ZC3H14: variants seen among roughly 807,000 people sequenced by gnomAD.
The protein encoded by ZC3H14 is zinc finger CCCH-type containing 14, also known as zinc finger CCCH domain-containing protein 14.
ZC3H14 carries 31 observed loss-of-function variants against 92.4 expected under a neutral mutation model. The observed-to-expected ratio is 0.34, with a 90% CI of 0.25 to 0.45. ZC3H14 has a LOEUF of 0.45. ZC3H14 is among the 20% of genes least tolerant of loss of function. ZC3H14 has a pLI of 1.00. For synonymous variants in ZC3H14, 321 were observed against 300.9 expected, an observed-to-expected ratio of 1.07 and a Z score of -0.69; for missense variants, 781 against 897.3, an observed-to-expected ratio of 0.87 and a Z score of 1.66.
chr14:88,616,255 G>A lies in ZC3H14; in HGVS notation c.*4504G>A, dbSNP rs373857538. The A allele has an allele frequency of 8.1e-5, 130 of 1,611,992 alleles. No individual in the cohort carries two copies. The highest frequency in any genetic ancestry group is 1.1e-4 in the Non-Finnish European group (124 of 1,178,310). ...TTTTGTGTTTTGCCTAAAAAACAAT[G>A]ACAGACAAGCTCAGGGCATTTGGTG... On this transcript the variant is annotated 3_prime_UTR_variant, in exon 17 of 17. Transcript: ENST00000251038.
Position 88,572,217 on chromosome 14 carries a change from A to T in ZC3H14, c.423A>T (p.Thr141=). Residue 141 remains threonine, a synonymous_variant, in exon 5 of 17, where the codon ACA becomes ACT. Coordinates refer to ENST00000251038, the MANE Select transcript of ZC3H14 (RefSeq NM_024824.5). ...VSTSSQESKT[T]NVRQTYDDGA... is the part of the protein sequence containing the mutation. ...CAAGTTCGCAGGAGTCAAAAACCAC[A>T]AATGTCAGGTAAGAGTCTGGTGTAG... 1 of 1,614,144 alleles carries T rather than the reference A, an allele frequency of 6.2e-7. No homozygotes were observed. The highest frequency in any genetic ancestry group is 1.3e-5 in the African/African-American group (1 of 75,056).
At chr14:88,574,398 G>A (rs761599091) in intron 6 of ZC3H14, 24 of 357,778 alleles carry the variant, frequency 6.7e-5, no homozygotes, top group African/African-American at 1.1e-4. Context: ...GGCACATGCC[G>A]CCACGCTCAG....
Position 88,615,114 on chromosome 14 carries a change from T to G in ZC3H14, c.*3363T>G, listed in dbSNP as rs1158269413. The G allele has an allele frequency of 2.0e-5, 3 of 152,212 alleles. No individual in the cohort carries two copies. Among genetic ancestry groups the G allele is most frequent in the Non-Finnish European group, 4.4e-5 (3 of 68,030 alleles). The allele number at this position is 152,212 out of a possible 1,614,324, so 9.4% of individuals were successfully genotyped here. ...CTACAGTTATGTTTTAAATGTGCGA[T>G]TACAGAGATGGCATCTGAACATAAA... On this transcript the variant is annotated 3_prime_UTR_variant, in exon 17 of 17. Transcript: ENST00000251038.
intron 3 of ZC3H14, 82 bp from the exon 4 acceptor site, chr14:88,571,002 A>G (rs1048849064): frequency 1.2e-5 from 13 of 1,123,274 alleles, no homozygotes; most frequent in Non-Finnish European, 1.6e-5. Context: ...CTCTGAATAT[A>G]ATGTCATAAA....
At chr14:88,605,152 T>C (rs538475875) in intron 12 of ZC3H14, among the ~76,000 whole-genome samples, 97 of 152,346 alleles carry the variant, frequency 6.4e-4, no homozygotes, top group Non-Finnish European at 1.1e-3. Flanking sequence ...TAATCTTTTA[T>C]TTGTACTGGG....
chr14:88,583,652 C>A (rs755351643), intron 9 of ZC3H14, among the ~76,000 whole-genome samples: 1 of 152,092 alleles, frequency 6.6e-6, no homozygotes, highest in Non-Finnish European at 1.5e-5. Flanking sequence ...ATTATAGACA[C>A]CTGACTTAAT....
At position 88,607,455 on chromosome 14, in the gene ZC3H14, C is replaced by A. The variant is rs2085624327; in HGVS notation, c.1868+92C>A. ...CATCCCCCATCTCACCTGGCAAGTA[C>A]CATCCCATCTCACCCAGCAAGTACC... On this transcript the variant is annotated intron_variant, in intron 13 of 16. Coordinates refer to ENST00000251038, the MANE Select transcript of ZC3H14 (RefSeq NM_024824.5). 3 of 1,483,216 alleles carry A rather than the reference C, an allele frequency of 2.0e-6. No homozygotes were observed. The South Asian group carries it at 3.4e-5, about 17-fold the overall frequency. 91.9% of individuals were successfully genotyped at this position (1,483,216 alleles called of 1,614,324 possible). A position where few individuals can be genotyped will look rare whatever the true frequency, so the allele number is the denominator to read the frequency against.
intron 7 of ZC3H14, among the ~76,000 whole-genome samples, 154 bp downstream of exon 7, chr14:88,575,007 G>T (rs1256146310): frequency 1.3e-5 from 2 of 152,206 alleles, no homozygotes; most frequent in African/African-American, 4.8e-5. Flanking sequence ...CACGATCTCG[G>T]CTCACTGCAA....
intron 6 of ZC3H14, chr14:88,573,826 A>C (rs541988567): frequency 4.6e-5 from 7 of 152,474 alleles, no homozygotes; most frequent in Admixed American, 1.3e-4. Flanking sequence ...ATGTTGGACC[A>C]GGCTGGTCTT....
At chr14:88,608,938 C>CCTAA in intron 13 of ZC3H14, 1 of 316,452 alleles carries the variant, frequency 3.2e-6, no homozygotes, top group Admixed American at 4.9e-5. Flanking sequence ...CAAAGCCTTG[C>CCTAA]ATAGAGGATG....
chr14:88,604,000 A>G (rs773328804), intron 12 of ZC3H14, among the ~76,000 whole-genome samples: 26 of 152,212 alleles, frequency 1.7e-4, no homozygotes, highest in Non-Finnish European at 2.1e-4. Context: ...GAGGGAGTTG[A>G]AAATCTGACC....
intron 12 of ZC3H14, 146 bp from the exon 13 acceptor site, chr14:88,607,097 A>T: frequency 8.0e-7 from 1 of 1,249,294 alleles, no homozygotes; most frequent in South Asian, 1.3e-5. Flanking sequence ...GGCCAGTGTT[A>T]ATCCCATAAT....
At chr14:88,593,448 C>T (rs1213033900) in intron 9 of ZC3H14, among the ~76,000 whole-genome samples, 1 of 152,070 alleles carries the variant, frequency 6.6e-6, no homozygotes, top group Non-Finnish European at 1.5e-5. Flanking sequence ...GTAACGTTGG[C>T]AAGGTTATGT....
At chr14:88,610,645 T>TA (rs11453178) in intron 15 of ZC3H14, among the ~76,000 whole-genome samples, 189 bp from the exon 16 acceptor site, 46,169 of 144,324 alleles carry the variant, frequency 0.32, 7,825 homozygotes, top group East Asian at 0.56. Flanking sequence ...CCCCATCTCT[T>TA]AAAAAAAAAA....
chr14:88,599,610 T>G (rs1405555766), intron 10 of ZC3H14, among the ~76,000 whole-genome samples: 5 of 152,328 alleles, frequency 3.3e-5, no homozygotes, highest in Admixed American at 2.6e-4. Context: ...CTCCAAGCTT[T>G]GACCTTTCGG....
chr14:88,588,285 A>G (rs1595670173), intron 9 of ZC3H14, among the ~76,000 whole-genome samples: 3 of 152,052 alleles, frequency 2.0e-5, no homozygotes, highest in East Asian at 3.9e-4. Flanking sequence ...CCTGAATTCC[A>G]TTTTGTCTTC....
Position 88,615,899 on chromosome 14 carries a change from G to C in ZC3H14, c.*4148G>C. Reference sequence around the variant, plus strand: ...TTGCAGGGAGTTAATTATGTTTTTAGATTTTCATAACAGTTTAATATTTTT... The same window carrying C: ...TTGCAGGGAGTTAATTATGTTTTTACATTTTCATAACAGTTTAATATTTTT... On this transcript the variant is annotated 3_prime_UTR_variant, in exon 17 of 17. Transcript: ENST00000251038. 6.3e-7 allele frequency: 1 copy of C among 1,581,582 alleles called. No individual in the cohort carries two copies. Among genetic ancestry groups the C allele is most frequent in the Non-Finnish European group, 8.6e-7 (1 of 1,161,588 alleles).
rs2087227538 is a variant in ZC3H14, at chr14:88,614,067, G to GT, written c.*2319dup. Reference sequence around the variant, plus strand: ...TAGTTTACATGCTTAAGGTTACAGAGTTTCTACCTGCACTGTAATGGAAAT... The same window carrying GT: ...TAGTTTACATGCTTAAGGTTACAGAGTTTTCTACCTGCACTGTAATGGAAAT... On this transcript the variant is annotated 3_prime_UTR_variant, in exon 17 of 17. Coordinates refer to ENST00000251038, the MANE Select transcript of ZC3H14 (RefSeq NM_024824.5). 6.6e-6 allele frequency: 1 copy of GT among 152,192 alleles called. No homozygotes were observed. The highest frequency in any genetic ancestry group is 2.4e-5 in the African/African-American group (1 of 41,452). The allele number at this position is 152,192 out of a possible 1,614,324, so 9.4% of individuals were successfully genotyped here.
At chr14:88,570,797 A>G (rs1027465184) in intron 3 of ZC3H14, among the ~76,000 whole-genome samples, 10 of 152,290 alleles carry the variant, frequency 6.6e-5, no homozygotes, top group Admixed American at 2.6e-4. Flanking sequence ...AGTTCATACC[A>G]TTTATTCACT....
Sources: allele counts gnomAD v4.1 joint callset (sites outside exome capture counted in the v4.1 genomes callset), GRCh38; gene constraint gnomAD v4.1.1; transcripts MANE v1.5; gene names NCBI Gene and HGNC (gene_info 2026-07-23, HGNC 2026-07-21).